Variants in SLC5A3 observed in about 807,000 individuals in gnomAD.
SLC5A3 encodes the protein solute carrier family 5 member 3.
A neutral mutation model predicts 43.2 loss-of-function variants in SLC5A3; 10 were observed. The ratio of observed to expected loss-of-function variants is 0.23; its 90% CI spans 0.14 to 0.39. The LOEUF is 0.39. Ranked by LOEUF, SLC5A3 falls within the 10% of genes least tolerant of loss-of-function variation. The pLI is 1.00. For synonymous variants in SLC5A3, 349 were observed against 322.0 expected (o/e 1.08, Z -0.90); for missense variants, 608 against 893.4 (o/e 0.68, Z 4.07).
At chr21:34,081,230 C>A (rs1003127127) in intron 1 of SLC5A3, among the ~76,000 whole-genome samples, 2 of 151,980 alleles carry the variant, frequency 1.3e-5, no homozygotes, top group African/African-American at 4.8e-5. Flanking sequence ...ATAATGCCAT[C>A]TGTAGATGTC....
rs147835224 is a variant in SLC5A3 at position 34,082,839 on chromosome 21, T to C, written c.-337+9094T>C. ...ACGTACGTTTTGGCCCAAGGTGTAATTGACTTGTTTTGCTTCCCCTTGCAA... is the reference window on the plus strand; with the variant it reads ...ACGTACGTTTTGGCCCAAGGTGTAACTGACTTGTTTTGCTTCCCCTTGCAA... On this transcript the variant is annotated intron_variant, in intron 1 of 1. Transcript: ENST00000381151. Among the ~76,000 whole-genome samples, 719 of 152,330 alleles carry C rather than the reference T, an allele frequency of 4.7e-3. 3 individuals carry two copies. Among genetic ancestry groups the C allele is most frequent in the African/African-American group, 0.017 (690 of 41,574 alleles).
intron 1 of SLC5A3, among the ~76,000 whole-genome samples, chr21:34,093,587 C>T (rs955030814): frequency 6.6e-6 from 1 of 151,536 alleles, no homozygotes; most frequent in African/African-American, 2.4e-5. Flanking sequence ...CTAGAATCAT[C>T]AGAAAAAGCA....
rs1569417763 is a variant in SLC5A3, at chr21:34,098,736, T to G, written c.*1381T>G. 2.0e-6 allele frequency: 2 copies of G among 1,000,120 alleles called. No homozygotes were observed. The highest frequency in any genetic ancestry group is 2.4e-6 in the Non-Finnish European group (2 of 829,988). The allele number at this position is 1,000,120 out of a possible 1,614,324, so 62.0% of individuals were successfully genotyped here. A position where few individuals can be genotyped will look rare whatever the true frequency, so the allele number is the denominator to read the frequency against. Reference sequence around the variant, plus strand: ...TATAGGACTCTAACTTGACATGGCTTGGCACCCACTTGCAGCTAGTGGGTA... The same window carrying G: ...TATAGGACTCTAACTTGACATGGCTGGGCACCCACTTGCAGCTAGTGGGTA... On this transcript the variant is annotated 3_prime_UTR_variant, in exon 2 of 2. Coordinates refer to ENST00000381151, the MANE Select transcript of SLC5A3 (RefSeq NM_006933.7).
chr21:34,100,869 A>G lies in SLC5A3; in HGVS notation c.*3514A>G. 2.0e-6 allele frequency: 2 copies of G among 1,000,178 alleles called. No individual in the cohort carries two copies. Among genetic ancestry groups the G allele is most frequent in the South Asian group, 4.7e-5 (1 of 21,292 alleles). 62.0% of individuals were successfully genotyped at this position (1,000,178 alleles called of 1,614,324 possible). On this transcript the variant is annotated 3_prime_UTR_variant, in exon 2 of 2. Transcript: ENST00000381151. Reference sequence around the variant, plus strand: ...TCTTTACCACCAAATAAAGCGGCTTATTAGCTACTCAGTTACTTGCTACTC... The same window carrying G: ...TCTTTACCACCAAATAAAGCGGCTTGTTAGCTACTCAGTTACTTGCTACTC...
rs1979358163 is a variant in SLC5A3 at position 34,103,870 on chromosome 21, C to CT, written c.*6520dup. The CT allele has an allele frequency of 3.0e-6, 3 of 999,900 alleles. No homozygotes were observed. Among genetic ancestry groups the CT allele is most frequent in the Admixed American group, 6.2e-5 (1 of 16,224 alleles). 61.9% of individuals were successfully genotyped at this position (999,900 alleles called of 1,614,324 possible). A position where few individuals can be genotyped will look rare whatever the true frequency, so the allele number is the denominator to read the frequency against. The stretch of plus-strand genomic sequence containing the variant: ...TACTAGCTAAAATGGGGTTTGAGGG[C>CT]TTTTTACTGCAACTTGAAACTGGAG... On this transcript the variant is annotated 3_prime_UTR_variant, in exon 2 of 2. Coordinates refer to ENST00000381151, the MANE Select transcript of SLC5A3 (RefSeq NM_006933.7).
In SLC5A3 at chr21:34,093,245, T is replaced by G. The variant is rs575650013; in HGVS notation, c.-336-1618T>G. ...CAAACCTCAACTTTTAAGATTTTTTTTTTTTTTTTTGCTTTTCTCTGGCAA... is the reference window on the plus strand; with the variant it reads ...CAAACCTCAACTTTTAAGATTTTTTGTTTTTTTTTTGCTTTTCTCTGGCAA... On this transcript the variant is annotated intron_variant, in intron 1 of 1. Transcript: ENST00000381151. Among the ~76,000 whole-genome samples the G allele has an allele frequency of 2.9e-3, 445 of 152,162 alleles. 2 individuals are homozygous for G. Among genetic ancestry groups the G allele is most frequent in the African/African-American group, 0.01 (420 of 41,510 alleles).
chr21:34,103,241 T>G lies in SLC5A3; in HGVS notation c.*5886T>G. ...GTTACCAGTATTGACTCTGCTAGTT[T>G]GCACCTTTCCGTTCTTAACAGAAAA... On this transcript the variant is annotated 3_prime_UTR_variant, in exon 2 of 2. Coordinates refer to ENST00000381151, the MANE Select transcript of SLC5A3 (RefSeq NM_006933.7). 2 of 999,872 alleles carry G rather than the reference T, an allele frequency of 2.0e-6. No homozygotes were observed. Among genetic ancestry groups the G allele is most frequent in the South Asian group, 9.4e-5 (2 of 21,280 alleles). 61.9% of individuals were successfully genotyped at this position (999,872 alleles called of 1,614,324 possible).
chr21:34,083,376 G>T (rs1219469550), intron 1 of SLC5A3, among the ~76,000 whole-genome samples: 1 of 152,196 alleles, frequency 6.6e-6, no homozygotes, highest in Non-Finnish European at 1.5e-5. Flanking sequence ...GATGCCCCGT[G>T]TATGAATTCC....
chr21:34,073,734 G>A lies in SLC5A3; in HGVS notation c.-348G>A. On this transcript the variant is annotated 5_prime_UTR_variant, in exon 1 of 2. Coordinates refer to ENST00000381151, the MANE Select transcript of SLC5A3 (RefSeq NM_006933.7). Reference sequence around the variant, plus strand: ...CTACGAGCTGGCTTTAATCCTGAAAGCCATGCAGCGGGTAAGTGACCTTCC... The same window carrying A: ...CTACGAGCTGGCTTTAATCCTGAAAACCATGCAGCGGGTAAGTGACCTTCC... 2 of 1,528,186 alleles carry A rather than the reference G, an allele frequency of 1.3e-6. No homozygotes were observed. Among genetic ancestry groups the A allele is most frequent in the Non-Finnish European group, 8.8e-7 (1 of 1,132,726 alleles). The allele number at this position is 1,528,186 out of a possible 1,614,324, so 94.7% of individuals were successfully genotyped here.
rs751266724 is a variant in SLC5A3 at position 34,105,881 on chromosome 21, T to C, written c.*8526T>C. 3.0e-6 allele frequency: 3 copies of C among 990,372 alleles called. No homozygotes were observed. Among genetic ancestry groups the C allele is most frequent in the Non-Finnish European group, 3.7e-6 (3 of 821,032 alleles). 61.3% of individuals were successfully genotyped at this position (990,372 alleles called of 1,614,324 possible). On this transcript the variant is annotated 3_prime_UTR_variant, in exon 2 of 2. Coordinates refer to ENST00000381151, the MANE Select transcript of SLC5A3 (RefSeq NM_006933.7). Reference sequence around the variant, plus strand: ...TACAGTTGAAATTGTAGATTTAAGATTGTTAAAATCATGACAATTCTAACT... The same window carrying C: ...TACAGTTGAAATTGTAGATTTAAGACTGTTAAAATCATGACAATTCTAACT...
chr21:34,102,949 T>G lies in SLC5A3; in HGVS notation c.*5594T>G. 1.0e-6 allele frequency: 1 copy of G among 999,884 alleles called. No individual in the cohort carries two copies. The highest frequency in any genetic ancestry group is 4.7e-5 in the South Asian group (1 of 21,288). The allele number at this position is 999,884 out of a possible 1,614,324, so 61.9% of individuals were successfully genotyped here. On this transcript the variant is annotated 3_prime_UTR_variant, in exon 2 of 2. Coordinates refer to ENST00000381151, the MANE Select transcript of SLC5A3 (RefSeq NM_006933.7). ...CTAATTTATCTTGGTAAATTCACCC[T>G]GTTTCCTAGTGCTGCTGGATAAAAG... is the stretch of plus-strand genomic sequence containing the variant.
At position 34,096,795 on chromosome 21, in the gene SLC5A3, A is replaced by T. The variant is rs1435920646; in HGVS notation, c.1597A>T (p.Thr533Ser). The T allele has an allele frequency of 6.2e-7, 1 of 1,613,898 alleles. No homozygotes were observed. Among genetic ancestry groups the T allele is most frequent in the Non-Finnish European group, 8.5e-7 (1 of 1,179,972 alleles). The change falls in exon 2 of 2, where the codon ACA becomes TCA. Residue 533 changes from threonine (T) to serine (S), a missense_variant. This residue lies in a region of SLC5A3 where 210 missense variants were observed against 224.8 expected (regional missense o/e 0.93). Transcript: ENST00000381151. This position sits in a 1 kb window ranked among gnomAD's most constrained non-coding sequence, Gnocchi z 5.9. Reference sequence around the variant, plus strand: ...CATTACTGTAATTGTGAGCCTTCTCACACCACCTCCCACAAAGGAACAGAT... The same window carrying T: ...CATTACTGTAATTGTGAGCCTTCTCTCACCACCTCCCACAAAGGAACAGAT... The part of the protein sequence containing the change: ...GLITVIVSLL[T>S]PPPTKEQIRT...
intron 1 of SLC5A3, among the ~76,000 whole-genome samples, chr21:34,077,161 C>T (rs1192441263): frequency 6.6e-6 from 1 of 152,102 alleles, no homozygotes; most frequent in Admixed American, 6.5e-5. Flanking sequence ...CCTTTGGTTT[C>T]ACTTGATAAT....
Position 34,097,141 on chromosome 21 carries a change from C to T in SLC5A3, c.1943C>T (p.Thr648Met), listed in dbSNP as rs141529022. 1.2e-4 allele frequency: 193 copies of T among 1,613,838 alleles called. No individual in the cohort carries two copies. Among genetic ancestry groups the T allele is most frequent in the Middle Eastern group, 1.2e-3 (7 of 6,080 alleles). The change falls in exon 2 of 2, where the codon ACG (threonine) becomes ATG (methionine). Residue 648 changes from threonine (T) to methionine (M), a missense_variant. Physicochemically the swap from Thr to Met is moderately conservative, Grantham distance 81 (BLOSUM62 -1). Coordinates refer to ENST00000381151, the MANE Select transcript of SLC5A3 (RefSeq NM_006933.7). ...LMGEKERKKE[T>M]DDGGRYWKFI... is the part of the protein sequence containing the mutation. Reference sequence around the variant, plus strand: ...GGTGAGAAAGAGAGAAAGAAAGAAACGGATGATGGAGGTCGGTACTGGAAG... The same window carrying T: ...GGTGAGAAAGAGAGAAAGAAAGAAATGGATGATGGAGGTCGGTACTGGAAG...
chr21:34,074,211 G>A (rs1989265397), intron 1 of SLC5A3, among the ~76,000 whole-genome samples: 2 of 150,494 alleles, frequency 1.3e-5, no homozygotes, highest in African/African-American at 4.9e-5. Context: ...GGCTGCCGCC[G>A]ACCGCCTCCG....
At position 34,097,425 on chromosome 21, in the gene SLC5A3, C is replaced by T; in HGVS notation, c.*70C>T. 1 of 1,356,632 alleles carries T rather than the reference C, an allele frequency of 7.4e-7. No individual in the cohort carries two copies. Among genetic ancestry groups the T allele is most frequent in the South Asian group, 1.5e-5 (1 of 66,858 alleles). 84.0% of individuals were successfully genotyped at this position (1,356,632 alleles called of 1,614,324 possible). ...GTCTTTGGGGAAAAAAGTTATGTAACTGTGCATCTCTCAGGCATTGTTTAC... is the reference window on the plus strand; with the variant it reads ...GTCTTTGGGGAAAAAAGTTATGTAATTGTGCATCTCTCAGGCATTGTTTAC... On this transcript the variant is annotated 3_prime_UTR_variant, in exon 2 of 2. Transcript: ENST00000381151.
rs1399357310 is a variant in SLC5A3 at position 34,093,448 on chromosome 21, T to C, written c.-336-1415T>C. On this transcript the variant is annotated intron_variant, in intron 1 of 1. Coordinates refer to ENST00000381151, the MANE Select transcript of SLC5A3 (RefSeq NM_006933.7). ...CCTAATTTTGTAGGGCAGTAGTCTC[T>C]AGGCATTATGTTTAGCTCCTTTTGT... 2.6e-5 allele frequency among the ~76,000 whole-genome samples: 4 copies of C among 152,204 alleles called. No homozygotes were observed. In the East Asian group the frequency reaches 5.8e-4, roughly 22 times the overall value.
intron 1 of SLC5A3, among the ~76,000 whole-genome samples, chr21:34,087,017 A>G (rs1978423777): frequency 6.6e-6 from 1 of 152,244 alleles, no homozygotes; most frequent in Non-Finnish European, 1.5e-5. Flanking sequence ...CAGTTGCAGC[A>G]GTAAAACTTG....
intron 1 of SLC5A3, among the ~76,000 whole-genome samples, chr21:34,092,812 C>G (rs1409246307): frequency 6.6e-6 from 1 of 152,184 alleles, no homozygotes. Flanking sequence ...GTGTTTTTCT[C>G]TCCCTTCTTT....
Sources: gnomAD v4.1 joint callset for allele counts (sites outside exome capture counted in the v4.1 genomes callset) on GRCh38, gnomAD v4.1.1 for gene constraint, gnomAD v4.1.1 regional missense constraint, Gnocchi (gnomAD v3.1) non-coding constraint, MANE v1.5 for transcripts, NCBI Gene and HGNC (gene_info 2026-07-23, HGNC 2026-07-21) for gene names.